Variants in CSPP1 observed in about 807,000 individuals in gnomAD.
The protein encoded by CSPP1 is centrosome and spindle pole associated protein 1, also known as centrosome and spindle pole-associated protein 1.
A neutral mutation model predicts 164.4 loss-of-function variants in CSPP1; 126 were observed. The observed-to-expected ratio is 0.77, with a 90% CI of 0.66 to 0.89. The LOEUF is 0.89. Ranked by LOEUF, CSPP1 falls within the 40% of genes least tolerant of loss-of-function variation. The pLI, the probability that CSPP1 is intolerant of heterozygous loss-of-function variation, is 0.00. For synonymous variants in CSPP1, 472 were observed against 476.7 expected, an observed-to-expected ratio of 0.99 and a Z score of 0.13; for missense variants, 1,395 against 1,449.8, an observed-to-expected ratio of 0.96 and a Z score of 0.61.
At chr8:67,118,206 A>C in intron 13 of CSPP1, 42 bp from the exon 14 acceptor site, 1 of 1,602,930 alleles carries the variant, frequency 6.2e-7, no homozygotes, top group Non-Finnish European at 8.5e-7. Flanking sequence ...AAAAAATTGC[A>C]ATGAAATATG....
chr8:67,164,809 G>A (rs574739472), intron 24 of CSPP1, among the ~76,000 whole-genome samples: 48 of 152,074 alleles, frequency 3.2e-4, no homozygotes, highest in African/African-American at 1.0e-3. Context: ...AATCACGTAC[G>A]GGCTACCGAA....
chr8:67,195,783 T>C lies in CSPP1; in HGVS notation c.*190T>C. The C allele has an allele frequency of 3.6e-6, 2 of 561,464 alleles. No homozygotes were observed. Among genetic ancestry groups the C allele is most frequent in the East Asian group, 3.1e-5 (1 of 32,754 alleles). 34.8% of individuals were successfully genotyped at this position (561,464 alleles called of 1,614,324 possible). On this transcript the variant is annotated 3_prime_UTR_variant, in exon 31 of 31. Transcript: ENST00000678616. The stretch of plus-strand genomic sequence containing the variant: ...AGGCCATGATTATTGATTTATATAA[T>C]AGAATTGTATAGATTATTTTTGCAC...
At chr8:67,155,173 A>G (rs1424303731) in intron 19 of CSPP1, among the ~76,000 whole-genome samples, 1 of 152,108 alleles carries the variant, frequency 6.6e-6, no homozygotes, top group Non-Finnish European at 1.5e-5. Flanking sequence ...TGAATGTGAG[A>G]TACTTGCTCA....
intron 26 of CSPP1, among the ~76,000 whole-genome samples, chr8:67,176,125 G>A (rs891997727): frequency 3.9e-5 from 6 of 152,092 alleles, no homozygotes; most frequent in African/African-American, 1.4e-4. Flanking sequence ...GGGGCTAGTT[G>A]TCTCAGAGAG....
At position 67,064,407 on chromosome 8, in the gene CSPP1, C is replaced by A. The variant is rs1023702149; in HGVS notation, c.-142C>A. On this transcript the variant is annotated 5_prime_UTR_variant, in exon 1 of 31. Coordinates refer to ENST00000678616, the MANE Select transcript of CSPP1 (RefSeq NM_001382391.1). The stretch of plus-strand genomic sequence containing the variant: ...CGGCCCGGAGGTCTGTCATGCTGTT[C>A]CCGCTCCAGGTGGCCGCTGTAACCT... 4 of 1,613,654 alleles carry A rather than the reference C, an allele frequency of 2.5e-6. No individual in the cohort carries two copies. The African/African-American group carries it at 4.0e-5, about 16-fold the overall frequency.
intron 16 of CSPP1, among the ~76,000 whole-genome samples, chr8:67,132,281 C>T (rs1821384631): frequency 1.3e-5 from 2 of 152,186 alleles, no homozygotes; most frequent in African/African-American, 4.8e-5. Flanking sequence ...GGGAGAGCTT[C>T]ACACAGTAGT....
rs201723047 is a variant in CSPP1 at position 67,175,530 on chromosome 8, C to T, written c.3109+94C>T. 1.4e-5 allele frequency: 20 copies of T among 1,429,288 alleles called. No individual in the cohort carries two copies. In the East Asian group the frequency reaches 1.9e-4, roughly 14 times the overall value. 88.5% of individuals were successfully genotyped at this position (1,429,288 alleles called of 1,614,324 possible). A position where few individuals can be genotyped will look rare whatever the true frequency, so the allele number is the denominator to read the frequency against. ...TTCTATTGATTTCATTCCCAGGCAT[C>T]CTCCTTTCACTGGCAGCCCCATGCT... On this transcript the variant is annotated intron_variant, in intron 26 of 30. Coordinates refer to ENST00000678616, the MANE Select transcript of CSPP1 (RefSeq NM_001382391.1).
chr8:67,065,751 A>G (rs898405179), intron 1 of CSPP1, among the ~76,000 whole-genome samples: 1 of 152,122 alleles, frequency 6.6e-6, no homozygotes, highest in East Asian at 1.9e-4. Flanking sequence ...CTGGTCTCGA[A>G]CTCCTGACCT....
intron 16 of CSPP1, among the ~76,000 whole-genome samples, chr8:67,132,985 TGAAA>T (rs1380656797): frequency 6.6e-6 from 1 of 152,228 alleles, no homozygotes; most frequent in Non-Finnish European, 1.5e-5. Flanking sequence ...GCAACTTTCT[TGAAA>T]GATAGATTTT....
chr8:67,070,022 CTCA>C (rs1403156360), intron 1 of CSPP1, among the ~76,000 whole-genome samples: 2 of 147,686 alleles, frequency 1.4e-5, no homozygotes, highest in Non-Finnish European at 3.0e-5. Flanking sequence ...TATGCGTTAT[CTCA>C]TCATTTTATT....
At chr8:67,069,974 T>C (rs1205076924) in intron 1 of CSPP1, among the ~76,000 whole-genome samples, 1 of 152,044 alleles carries the variant, frequency 6.6e-6, no homozygotes, top group African/African-American at 2.4e-5. Flanking sequence ...TAAATGACAT[T>C]TCTGTTTAAA....
At chr8:67,138,051 A>G (rs1404820266) in intron 17 of CSPP1, among the ~76,000 whole-genome samples, 1 of 152,226 alleles carries the variant, frequency 6.6e-6, no homozygotes, top group Non-Finnish European at 1.5e-5. Flanking sequence ...TAATTGCAAG[A>G]ATTCCTTTGG....
intron 14 of CSPP1, 35 bp downstream of exon 14, chr8:67,118,404 C>T: frequency 6.8e-6 from 11 of 1,607,088 alleles, no homozygotes; most frequent in Non-Finnish European, 8.5e-6. Flanking sequence ...TTTCTCCCCG[C>T]TTGGCTCAAT....
intron 5 of CSPP1, among the ~76,000 whole-genome samples, 160 bp downstream of exon 5, chr8:67,092,043 T>C (rs1325185874): frequency 6.6e-6 from 1 of 152,232 alleles, no homozygotes; most frequent in Non-Finnish European, 1.5e-5. Flanking sequence ...ATTTATGCTG[T>C]TTAAAAAAAT....
At chr8:67,189,411 A>G (rs1310140410) in intron 28 of CSPP1, among the ~76,000 whole-genome samples, 1 of 152,220 alleles carries the variant, frequency 6.6e-6, no homozygotes, top group Non-Finnish European at 1.5e-5. Context: ...CATCCAGACA[A>G]TGCAATATTT....
At chr8:67,083,548 A>AAAAAAAAATAT (rs1332248754) in intron 3 of CSPP1, 4 of 91,498 alleles carry the variant, frequency 4.4e-5, no homozygotes, top group Admixed American at 2.9e-4. Flanking sequence ...AAAAAAAAAA[A>AAAAAAAAATAT]ATATATATAT....
At chr8:67,094,565 C>T (rs908457978) in intron 6 of CSPP1, among the ~76,000 whole-genome samples, 1 of 151,948 alleles carries the variant, frequency 6.6e-6, no homozygotes, top group Non-Finnish European at 1.5e-5. Context: ...AGCCACCAGG[C>T]CCTGCCACAG....
chr8:67,086,498 A>C (rs1351444980), intron 4 of CSPP1, among the ~76,000 whole-genome samples: 1 of 152,106 alleles, frequency 6.6e-6, no homozygotes, highest in African/African-American at 2.4e-5. Flanking sequence ...TTATTTTCCT[A>C]TGAGCCAAGC....
At position 67,105,986 on chromosome 8, in the gene CSPP1, A is replaced by G; in HGVS notation, c.1093+11A>G. 1 of 1,454,086 alleles carries G rather than the reference A, an allele frequency of 6.9e-7. No homozygotes were observed. Among genetic ancestry groups the G allele is most frequent in the Non-Finnish European group, 9.7e-7 (1 of 1,034,382 alleles). 90.1% of individuals were successfully genotyped at this position (1,454,086 alleles called of 1,614,324 possible). On this transcript the variant is annotated intron_variant, in intron 9 of 30. Transcript: ENST00000678616. The stretch of plus-strand genomic sequence containing the variant: ...CAGGGATGCTCTTTGGTAGGCACAA[A>G]ACTTCCAACTAGTTGCGCTTGTATA...
Sources: gnomAD v4.1 joint callset for allele counts (sites outside exome capture counted in the v4.1 genomes callset) on GRCh38, gnomAD v4.1.1 for gene constraint, MANE v1.5 for transcripts, NCBI Gene and HGNC (gene_info 2026-07-23, HGNC 2026-07-21) for gene names.